TMEM181: variants seen among roughly 807,000 people sequenced by gnomAD.
The protein encoded by TMEM181 is G protein-coupled receptor 178.
A neutral mutation model predicts 71.9 loss-of-function variants in TMEM181; 39 were observed. The ratio of observed to expected loss-of-function variants is 0.54; its 90% CI spans 0.42 to 0.71. TMEM181 has a LOEUF of 0.71. Ranked by LOEUF, TMEM181 falls within the 30% of genes least tolerant of loss-of-function variation. The pLI, the probability that TMEM181 is intolerant of heterozygous loss-of-function variation, is 0.00. For synonymous variants in TMEM181, 245 were observed against 228.8 expected (o/e 1.07, Z -0.64); for missense variants, 595 against 583.0 (o/e 1.02, Z -0.21).
At chr6:158,542,868 GTTTTTTTTTTTTTT>G (rs61401561) in intron 1 of TMEM181, among the ~76,000 whole-genome samples, 1 of 73,462 alleles carries the variant, frequency 1.4e-5, no homozygotes, top group African/African-American at 5.7e-5. Context: ...CTCCAGAGTG[GTTTTTTTTTTTTTT>G]TTTTTTTTTT....
At chr6:158,613,040 C>G (rs537498538) in intron 10 of TMEM181, among the ~76,000 whole-genome samples, 1 of 152,282 alleles carries the variant, frequency 6.6e-6, no homozygotes, top group South Asian at 2.1e-4. Context: ...TGATTTTCAA[C>G]TTAAGATTTC....
chr6:158,589,265 T>C (rs1393664614), intron 5 of TMEM181, among the ~76,000 whole-genome samples: 1 of 152,322 alleles, frequency 6.6e-6, no homozygotes, highest in Non-Finnish European at 1.5e-5. Context: ...CTGTTCATTA[T>C]TATAACAATC....
chr6:158,626,506 CT>C, intron 13 of TMEM181: 1 of 456,532 alleles, frequency 2.2e-6, no homozygotes, highest in South Asian at 1.5e-5. Context: ...GAGGTCAACC[CT>C]TGTCCAAGCT....
intron 2 of TMEM181, among the ~76,000 whole-genome samples, chr6:158,576,536 A>G (rs6924113): frequency 0.32 from 47,855 of 151,794 alleles, 8,003 homozygotes; most frequent in East Asian, 0.65. Flanking sequence ...AGACCAGGAC[A>G]TTCAAAACTG....
At chr6:158,631,605 G>A (rs1409391412) in intron 16 of TMEM181, among the ~76,000 whole-genome samples, 4 of 152,216 alleles carry the variant, frequency 2.6e-5, no homozygotes, top group Non-Finnish European at 4.4e-5. Flanking sequence ...TGCTGGCCAC[G>A]GGAAGAACTG....
upstream of TMEM181, among the ~76,000 whole-genome samples, chr6:158,555,106 C>A (rs929043549): frequency 6.6e-6 from 1 of 152,160 alleles, no homozygotes; most frequent in Non-Finnish European, 1.5e-5. Flanking sequence ...ACAAATGTAT[C>A]TTTTGTTTGC....
intron 5 of TMEM181, among the ~76,000 whole-genome samples, chr6:158,586,386 G>C (rs1022987362): frequency 5.9e-5 from 9 of 152,154 alleles, no homozygotes; most frequent in Non-Finnish European, 1.3e-4. Context: ...TTCTCTGCTG[G>C]GTGTCATGCC....
In TMEM181 at chr6:158,560,137, C is replaced by T. The variant is rs1241505192; in HGVS notation, c.-88C>T. ...TGCTCAGCCGCTGTCGCTCCGGCTC[C>T]GGCTGCGGCTGCCGCTGCCGAGGCT... On this transcript the variant is annotated 5_prime_UTR_variant, in exon 1 of 17. Transcript: ENST00000684151. 4 of 984,830 alleles carry T rather than the reference C, an allele frequency of 4.1e-6. No individual in the cohort carries two copies. In the South Asian group the frequency reaches 1.4e-4, roughly 35 times the overall value. The allele number at this position is 984,830 out of a possible 1,614,324, so 61.0% of individuals were successfully genotyped here.
At chr6:158,612,556 C>T (rs1270947639) in intron 10 of TMEM181, among the ~76,000 whole-genome samples, 2 of 152,194 alleles carry the variant, frequency 1.3e-5, no homozygotes, top group South Asian at 2.1e-4. Flanking sequence ...AATGGGATGA[C>T]CCATGGTATG....
intron 10 of TMEM181, chr6:158,611,197 C>T (rs1785283390): frequency 1.9e-5 from 10 of 519,242 alleles, no homozygotes; most frequent in South Asian, 1.4e-4. Context: ...TGTCCTTCTC[C>T]ACTGACCTCT....
At chr6:158,626,514 A>C (rs1023224093) in intron 13 of TMEM181, 2 of 456,468 alleles carry the variant, frequency 4.4e-6, no homozygotes, top group South Asian at 3.1e-5. Context: ...CCCTTGTCCA[A>C]GCTTTCCAGG....
At chr6:158,622,157 A>G (rs1044568924) in intron 10 of TMEM181, among the ~76,000 whole-genome samples, 22 of 152,232 alleles carry the variant, frequency 1.4e-4, no homozygotes, top group Admixed American at 1.2e-3. Context: ...GCCCTCTGGT[A>G]TGTTTTTCTC....
intron 13 of TMEM181, 88 bp from the exon 14 acceptor site, chr6:158,628,320 C>T: frequency 7.8e-7 from 1 of 1,276,510 alleles, no homozygotes; most frequent in South Asian, 1.2e-5. Context: ...AGACGGAAAG[C>T]TTGAATGGGG....
intron 6 of TMEM181, among the ~76,000 whole-genome samples, chr6:158,591,243 C>T: frequency 6.6e-6 from 1 of 152,128 alleles, no homozygotes; most frequent in East Asian, 1.9e-4. Flanking sequence ...TCACGTTGTG[C>T]TGGGGATGTG....
rs182878008 is a variant in TMEM181 at position 158,543,643 on chromosome 6, C to T, written c.131+6778C>T. 7.2e-5 allele frequency among the ~76,000 whole-genome samples: 11 copies of T among 152,316 alleles called. No homozygotes were observed. In the East Asian group the frequency reaches 1.9e-3, roughly 27 times the overall value. On this transcript the variant is annotated intron_variant, in intron 1 of 16. Transcript: ENST00000367090. ...CTATCATCTCCCTGTGTCTTCACAT[C>T]GTCTTCCTTCTATGTGTGTTTGTGT...
intron 14 of TMEM181, 135 bp downstream of exon 14, chr6:158,628,625 C>T (rs1786478615): frequency 4.2e-6 from 3 of 713,884 alleles, no homozygotes; most frequent in Non-Finnish European, 4.7e-6. Context: ...CTCGTCTCTG[C>T]TGAGAGGTGT....
intron 10 of TMEM181, among the ~76,000 whole-genome samples, chr6:158,614,653 C>T (rs1298723526): frequency 1.3e-5 from 2 of 152,134 alleles, no homozygotes; most frequent in Admixed American, 6.5e-5. Context: ...CACCCTACGA[C>T]AGGCCCTGTT....
chr6:158,586,134 T>C (rs928514160), intron 5 of TMEM181, among the ~76,000 whole-genome samples: 7 of 152,184 alleles, frequency 4.6e-5, no homozygotes, highest in African/African-American at 1.7e-4. Flanking sequence ...CAGAGCACAG[T>C]GTGGCTAAGG....
At chr6:158,607,692 C>G (rs1372010877) in intron 8 of TMEM181, among the ~76,000 whole-genome samples, 1 of 152,168 alleles carries the variant, frequency 6.6e-6, no homozygotes, top group African/African-American at 2.4e-5. Context: ...AAAACTAAAG[C>G]TGGAAGCCAT....
Sources: gnomAD v4.1 joint callset for allele counts (sites outside exome capture counted in the v4.1 genomes callset) on GRCh38, gnomAD v4.1.1 for gene constraint, MANE v1.5 for transcripts, NCBI Gene and HGNC (gene_info 2026-07-23, HGNC 2026-07-21) for gene names.